Variants in IMMP1L observed in about 807,000 individuals in gnomAD.
The protein encoded by IMMP1L is inner mitochondrial membrane peptidase subunit 1.
IMMP1L carries 24 observed loss-of-function variants against 21.8 expected under a neutral mutation model. The ratio of observed to expected loss-of-function variants is 1.10; its 90% CI spans 0.80 to 1.55. The LOEUF is 1.55. Ranked by LOEUF, IMMP1L falls within the 40% of genes most tolerant of loss-of-function variation. IMMP1L has a pLI of 0.00. For missense variants in IMMP1L, 195 were observed against 200.7 expected, an observed-to-expected ratio of 0.97 and a Z score of 0.17; for synonymous variants, 46 against 62.8, an observed-to-expected ratio of 0.73 and a Z score of 1.26.
intron 1 of IMMP1L, among the ~76,000 whole-genome samples, chr11:31,497,406 G>GTT (rs1955480795): frequency 1.3e-5 from 2 of 151,602 alleles, no homozygotes; most frequent in East Asian, 3.9e-4. Context: ...GTTATTAGTG[G>GTT]TTGAAACAAG....
intron 1 of IMMP1L, among the ~76,000 whole-genome samples, chr11:31,481,262 T>TG (rs1470555311): frequency 6.6e-6 from 1 of 152,166 alleles, no homozygotes; most frequent in Non-Finnish European, 1.5e-5. Context: ...GCTAATGTGT[T>TG]GCTCCACTCA....
intron 3 of IMMP1L, among the ~76,000 whole-genome samples, chr11:31,458,093 A>C (rs1209856078): frequency 6.6e-6 from 1 of 152,166 alleles, no homozygotes. Context: ...CAAATAATCA[A>C]TATGACCCTT....
chr11:31,461,974 T>G lies in IMMP1L; in HGVS notation c.105+1198A>C, dbSNP rs190387006. On this transcript the variant is annotated intron_variant, in intron 2 of 5. Coordinates refer to ENST00000532287, the MANE Select transcript of IMMP1L (RefSeq NM_001304274.2). ...AATAGGAGGAAATACAATTACAGTT[T>G]GTTTGCTACCTTTGGAAGTACCAAT... 7.2e-5 allele frequency among the ~76,000 whole-genome samples: 11 copies of G among 152,264 alleles called. No individual in the cohort carries two copies. In the East Asian group the frequency reaches 2.1e-3, roughly 29 times the overall value.
At chr11:31,508,068 C>A (rs1410081184) in intron 1 of IMMP1L, among the ~76,000 whole-genome samples, 1 of 152,088 alleles carries the variant, frequency 6.6e-6, no homozygotes, top group African/African-American at 2.4e-5. Flanking sequence ...GGGCTTAATA[C>A]CGAGGTGGTG....
chr11:31,469,267 A>G (rs1379276454), intron 1 of IMMP1L, among the ~76,000 whole-genome samples: 1 of 152,118 alleles, frequency 6.6e-6, no homozygotes, highest in Non-Finnish European at 1.5e-5. Context: ...AGCCAAGAGA[A>G]AAAAAAGTAC....
At chr11:31,457,173 T>C (rs1401754904) in intron 3 of IMMP1L, among the ~76,000 whole-genome samples, 3 of 151,692 alleles carry the variant, frequency 2.0e-5, no homozygotes, top group East Asian at 3.9e-4. Flanking sequence ...AATCAAAAGA[T>C]ACAACAAAAT....
intron 4 of IMMP1L, among the ~76,000 whole-genome samples, chr11:31,437,366 G>A (rs935933696): frequency 9.2e-5 from 14 of 152,014 alleles, no homozygotes; most frequent in Admixed American, 3.3e-4. Flanking sequence ...ACTATGACTC[G>A]TCATGTGAAG....
intron 1 of IMMP1L, among the ~76,000 whole-genome samples, chr11:31,479,291 A>C (rs2728921): frequency 0.36 from 54,494 of 151,542 alleles, 11,950 homozygotes; most frequent in African/African-American, 0.62. Flanking sequence ...TCATCATCAC[A>C]ATCTCTTTAA....
chr11:31,444,113 G>T (rs74421666), intron 4 of IMMP1L, among the ~76,000 whole-genome samples: 3,506 of 152,156 alleles, frequency 0.023, 128 homozygotes, highest in African/African-American at 0.079. Context: ...TAGTCCTGAG[G>T]TCCAAATACA....
At chr11:31,449,901 T>C (rs1444580462) in intron 4 of IMMP1L, among the ~76,000 whole-genome samples, 5 of 152,168 alleles carry the variant, frequency 3.3e-5, no homozygotes, top group Non-Finnish European at 5.9e-5. Flanking sequence ...CCTGTAACAA[T>C]AGCAAAAGAC....
chr11:31,473,210 C>T (rs535349600), intron 1 of IMMP1L, among the ~76,000 whole-genome samples: 7 of 152,246 alleles, frequency 4.6e-5, no homozygotes, highest in African/African-American at 1.7e-4. Flanking sequence ...CCACCACGCC[C>T]GGCTAATTTT....
At position 31,433,537 on chromosome 11, in the gene IMMP1L, T is replaced by C. The variant is rs774699376; in HGVS notation, c.355A>G (p.Asn119Asp). The C allele has an allele frequency of 6.2e-7, 1 of 1,612,156 alleles. No homozygotes were observed. Among genetic ancestry groups the C allele is most frequent in the Non-Finnish European group, 8.5e-7 (1 of 1,178,918 alleles). ...PMGHVWLEGDNLQNSTDSRCY... is the reference protein window; with the variant it reads ...PMGHVWLEGDDLQNSTDSRCY... ...CTGGAATCTGTAGAATTCTGTAGAT[T>C]GTCACCTTCTAACCAAACATGACCC... Residue 119 changes from asparagine to aspartate, a missense_variant, in exon 5 of 6, where the codon AAT becomes GAT. Asn to Asp is a conservative substitution (Grantham distance 23). Coordinates refer to ENST00000532287, the MANE Select transcript of IMMP1L (RefSeq NM_001304274.2).
At chr11:31,450,633 TC>T (rs1489818171) in intron 4 of IMMP1L, among the ~76,000 whole-genome samples, 1 of 152,186 alleles carries the variant, frequency 6.6e-6, no homozygotes, top group African/African-American at 2.4e-5. Context: ...GGTAGTCTTA[TC>T]ACTGGAAATA....
intron 1 of IMMP1L, among the ~76,000 whole-genome samples, chr11:31,493,196 G>C (rs563205465): frequency 5.6e-4 from 86 of 152,284 alleles, no homozygotes; most frequent in Admixed American, 9.8e-4. Flanking sequence ...CCAAGACTGG[G>C]TAATTTATAA....
Position 31,456,251 on chromosome 11 carries a change from GTTAC to G in IMMP1L, c.321+5_321+8del. ...ACACCAAAAATAACATAATTGAAAT[GTTAC>G]TTACATAACTATGGCTTTTAAAGAA... On this transcript the variant is annotated splice_donor_5th_base_variant and intron_variant, in intron 4 of 5. Transcript: ENST00000532287. 4 of 1,570,666 alleles carry G rather than the reference GTTAC, an allele frequency of 2.5e-6. No individual in the cohort carries two copies. Among genetic ancestry groups the G allele is most frequent in the Non-Finnish European group, 3.5e-6 (4 of 1,151,446 alleles).
At chr11:31,462,675 G>A (rs976041175) in intron 2 of IMMP1L, among the ~76,000 whole-genome samples, 5 of 152,064 alleles carry the variant, frequency 3.3e-5, no homozygotes, top group African/African-American at 4.8e-5. Flanking sequence ...GTTATGAGCT[G>A]GAATTTTGAA....
intron 1 of IMMP1L, among the ~76,000 whole-genome samples, chr11:31,466,529 T>C (rs1245985016): frequency 1.3e-5 from 2 of 152,104 alleles, no homozygotes; most frequent in African/African-American, 4.8e-5. Context: ...AACAGATGAA[T>C]GGATAAAGAA....
chr11:31,494,923 C>T (rs1195743526), intron 1 of IMMP1L, among the ~76,000 whole-genome samples: 4 of 152,168 alleles, frequency 2.6e-5, no homozygotes, highest in Non-Finnish European at 4.4e-5. Flanking sequence ...GGATTACAGG[C>T]GTGAGCCACC....
At chr11:31,443,965 T>G (rs1339961093) in intron 4 of IMMP1L, among the ~76,000 whole-genome samples, 1 of 152,192 alleles carries the variant, frequency 6.6e-6, no homozygotes, top group Non-Finnish European at 1.5e-5. Context: ...AGGCTTGACT[T>G]GCTCATTCTC....
Sources: allele counts gnomAD v4.1 joint callset (sites outside exome capture counted in the v4.1 genomes callset), GRCh38; gene constraint gnomAD v4.1.1; transcripts MANE v1.5; gene names NCBI Gene and HGNC (gene_info 2026-07-23, HGNC 2026-07-21).